Variants in SH3D21 observed in about 807,000 individuals in gnomAD.
SH3D21 encodes SH3 domain-containing protein 21.
Under a neutral mutation model 82.1 loss-of-function variants are expected in SH3D21, and 83 were observed. The ratio of observed to expected loss-of-function variants is 1.01; its 90% CI spans 0.85 to 1.21. The LOEUF is 1.21. Among genes scored for constraint, SH3D21 ranks in the 50% most tolerant of loss-of-function variants. The probability of loss-of-function intolerance (pLI) is 0.00; values close to 1 mark genes in which losing one functional copy is unlikely to be tolerated. For synonymous variants in SH3D21, 383 were observed against 387.8 expected, an observed-to-expected ratio of 0.99 and a Z score of 0.15; for missense variants, 980 against 962.1, an observed-to-expected ratio of 1.02 and a Z score of -0.25.
downstream of SH3D21, chr1:36,322,372 G>C (rs897624260): frequency 1.9e-6 from 3 of 1,590,712 alleles, no homozygotes; most frequent in African/African-American, 2.7e-5. Context: ...AGCAGGTCCG[G>C]CTGCCCGGTG....
chr1:36,328,885 C>T (rs1210557848), downstream of SH3D21: 1 of 152,430 alleles, frequency 6.6e-6, no homozygotes, highest in Non-Finnish European at 1.5e-5. Context: ...TCAGTCTTCC[C>T]AGGAACCCTG....
downstream of SH3D21, chr1:36,322,533 G>A (rs1646483609): frequency 1.9e-6 from 3 of 1,600,450 alleles, no homozygotes; most frequent in African/African-American, 2.7e-5. Context: ...GCCCAGCCGA[G>A]TCACCGTGTC....
chr1:36,324,187 C>T (rs1314406064), downstream of SH3D21: 2 of 152,230 alleles, frequency 1.3e-5, no homozygotes, highest in Admixed American at 6.5e-5. Context: ...TCTAGTCACG[C>T]AGGGTTAATG....
chr1:36,328,523 C>T (rs1646565796), downstream of SH3D21: 2 of 241,038 alleles, frequency 8.3e-6, no homozygotes, highest in South Asian at 1.1e-4. Context: ...GTAATCCCAG[C>T]ACTTTGGGAG....
At chr1:36,322,998 T>C (rs1364832425), downstream of SH3D21, 2 of 1,605,586 alleles carry the variant, frequency 1.2e-6, no homozygotes, top group Non-Finnish European at 1.7e-6. Context: ...GCAGCCAGGC[T>C]GTTGCTGAGC....
In SH3D21 at chr1:36,320,902, C is replaced by A. The variant is rs1378481643; in HGVS notation, c.2136-13C>A. The A allele has an allele frequency of 6.4e-7, 1 of 1,558,688 alleles. No homozygotes were observed. The highest frequency in any genetic ancestry group is 8.7e-7 in the Non-Finnish European group (1 of 1,151,302). Reference sequence around the variant, plus strand: ...TCACCTGCCCAGCCCCTCACCTCCGCCTCGGCCCGCAGGAGGAAGCTGACC... The same window carrying A: ...TCACCTGCCCAGCCCCTCACCTCCGACTCGGCCCGCAGGAGGAAGCTGACC... On this transcript the variant is annotated splice_polypyrimidine_tract_variant and intron_variant, in intron 14 of 15. Coordinates refer to ENST00000453908, the MANE Select transcript of SH3D21 (RefSeq NM_001162530.2).
downstream of SH3D21, chr1:36,322,499 G>A: frequency 2.5e-6 from 4 of 1,602,828 alleles, no homozygotes; most frequent in Middle Eastern, 1.7e-4. Flanking sequence ...CGGACAGCTC[G>A]GGGCCCGGCA....
chr1:36,315,305 A>G (rs1371877971), intron 10 of SH3D21, among the ~76,000 whole-genome samples: 1 of 151,442 alleles, frequency 6.6e-6, no homozygotes, highest in Non-Finnish European at 1.5e-5. Flanking sequence ...AAATTATCTC[A>G]TGCCTTTGGA....
At position 36,321,068 on chromosome 1, in the gene SH3D21, C is replaced by T. The variant is rs969791907; in HGVS notation, c.2212C>T (p.Gln738Ter). 1 of 1,611,998 alleles carries T rather than the reference C, an allele frequency of 6.2e-7. No individual in the cohort carries two copies. The highest frequency in any genetic ancestry group is 8.5e-7 in the Non-Finnish European group (1 of 1,179,354). ...CACTCCCGACCAGGTCCAGGTGATG[C>T]AGGGGACCCAGAAGTCCCAGACCCC... ...QRRRLEVQVMQGTQKSQTPRV... is the reference protein window; with the variant it reads ...QRRRLEVQVM Residue 738 changes from glutamine to a stop codon, truncating the protein, a stop_gained, in exon 16 of 16, where the codon CAG becomes TAG. Transcript: ENST00000453908. LOFTEE classifies it low-confidence loss of function (END_TRUNC). This position sits in a 1 kb window ranked among gnomAD's most constrained non-coding sequence, Gnocchi z 6.1.
Position 36,320,177 on chromosome 1 carries a change from ACTTCT to A in SH3D21, c.1519_1523del (p.Ser507GlyfsTer48). ...ACCAGAGATGACATTCAATTCCATC[ACTTCT>A]CTTCGGAGGAAGCCCTGCAGAAGGT... is the stretch of plus-strand genomic sequence containing the variant. On this transcript the variant is annotated frameshift_variant, in exon 14 of 16. Coordinates refer to ENST00000453908, the MANE Select transcript of SH3D21 (RefSeq NM_001162530.2). LOFTEE classifies it high-confidence loss of function. 4 of 1,613,596 alleles carry A rather than the reference ACTTCT, an allele frequency of 2.5e-6. No homozygotes were observed. The highest frequency in any genetic ancestry group is 1.3e-5 in the African/African-American group (1 of 75,016).
At chr1:36,319,559 G>C (rs1375143973) in intron 13 of SH3D21, 23 bp downstream of exon 13, 2 of 1,551,666 alleles carry the variant, frequency 1.3e-6, no homozygotes, top group Non-Finnish European at 1.7e-6. Flanking sequence ...AGACATGGGA[G>C]AGTGGGGATG....
chr1:36,326,887 G>A (rs1646551414), downstream of SH3D21, among the ~76,000 whole-genome samples: 1 of 152,232 alleles, frequency 6.6e-6, no homozygotes, highest in Non-Finnish European at 1.5e-5. Context: ...CAGTTTCACT[G>A]TAGATAGGTT....
At chr1:36,326,253 C>T (rs528615863), downstream of SH3D21, among the ~76,000 whole-genome samples, 14 of 143,030 alleles carry the variant, frequency 9.8e-5, no homozygotes, top group South Asian at 1.1e-3. Context: ...TTTTTTGAGA[C>T]GGAGTTTCAC....
intron 10 of SH3D21, among the ~76,000 whole-genome samples, chr1:36,313,868 TTTG>T (rs1403084851): frequency 3.3e-5 from 5 of 152,038 alleles, no homozygotes; most frequent in African/African-American, 1.2e-4. Context: ...CTCAGCTGTT[TTTG>T]TTATCTTTTT....
chr1:36,318,986 C>T (rs575404759), intron 10 of SH3D21, 85 bp from the exon 11 acceptor site: 5 of 755,012 alleles, frequency 6.6e-6, no homozygotes, highest in Admixed American at 4.3e-5. Context: ...ACAAGATTAA[C>T]CTCCTGCCCA....
intron 10 of SH3D21, among the ~76,000 whole-genome samples, chr1:36,310,910 GTTTT>G (rs950679725): frequency 4.0e-5 from 6 of 151,292 alleles, no homozygotes; most frequent in Admixed American, 6.6e-5. Context: ...TGGTTTGTTT[GTTTT>G]TTTTTTTTTA....
In SH3D21 at chr1:36,306,445, GTGGCCTCTCTCTGCAACCGTGGACA is replaced by G. The variant is rs1295624298; in HGVS notation, c.4+23_4+47del. 2.3e-6 allele frequency: 3 copies of G among 1,305,288 alleles called. No homozygotes were observed. The Admixed American group carries it at 6.9e-5, about 30-fold the overall frequency. The allele number at this position is 1,305,288 out of a possible 1,614,324, so 80.9% of individuals were successfully genotyped here. A position where few individuals can be genotyped will look rare whatever the true frequency, so the allele number is the denominator to read the frequency against. On this transcript the variant is annotated intron_variant, in intron 1 of 15. Transcript: ENST00000453908. The surrounding 1 kb of genome is among the most constrained non-coding windows in gnomAD (Gnocchi z 4.5). Reference sequence around the variant, plus strand: ...CATGGGTAAGTGCGGAGGCTTTGAGGTGGCCTCTCTCTGCAACCGTGGACATAGCAAGAGCCCACACCACCCCCCG... The same window carrying G: ...CATGGGTAAGTGCGGAGGCTTTGAGGTAGCAAGAGCCCACACCACCCCCCG...
intron 10 of SH3D21, among the ~76,000 whole-genome samples, chr1:36,316,178 T>C (rs1646339302): frequency 6.6e-6 from 1 of 152,232 alleles, no homozygotes; most frequent in Admixed American, 6.5e-5. Flanking sequence ...TGTGGGACTC[T>C]TGCAGGCCTT....
chr1:36,315,994 T>G (rs1347678191), intron 10 of SH3D21, among the ~76,000 whole-genome samples: 1 of 152,266 alleles, frequency 6.6e-6, no homozygotes, highest in Non-Finnish European at 1.5e-5. Flanking sequence ...GATTGTCCTT[T>G]GTTGCATGCA....
Sources: gnomAD v4.1 joint callset for allele counts (sites outside exome capture counted in the v4.1 genomes callset) on GRCh38, gnomAD v4.1.1 for gene constraint, Gnocchi (gnomAD v3.1) non-coding constraint, MANE v1.5 for transcripts, NCBI Gene and HGNC (gene_info 2026-07-23, HGNC 2026-07-21) for gene names.